The following MATR3 variants were observed in gnomAD, a reference collection of about 807,000 sequenced individuals.
The protein encoded by MATR3 is matrin 3.
In MATR3, 4 loss-of-function variants were observed where a neutral mutation model predicts 85.5. The ratio of observed to expected loss-of-function variants is 0.05; its 90% CI spans 0.02 to 0.11. The LOEUF is 0.11. Among genes scored for constraint, MATR3 ranks in the 10% least tolerant of loss-of-function variants. The pLI is 1.00. For missense variants in MATR3, 685 were observed against 1,016.1 expected (o/e 0.67, Z 4.43); for synonymous variants, 336 against 343.1 (o/e 0.98, Z 0.23).
rs562328368 is a variant in MATR3 at position 139,288,331 on chromosome 5, CAAT to C, written c.-178+9205_-178+9207del. Among the ~76,000 whole-genome samples, 428 of 152,314 alleles carry C rather than the reference CAAT, an allele frequency of 2.8e-3. 16 individuals are homozygous for C. The highest frequency in any genetic ancestry group is 0.023 in the Admixed American group (359 of 15,310). ...TCTCCCACATCATCACTAAGTTCCT[CAAT>C]AAATAATTACTTCGTTGAAAAAGTT... On this transcript the variant is annotated intron_variant, in intron 3 of 16. Coordinates refer to ENST00000509990, the Ensembl canonical transcript of MATR3.
At chr5:139,315,148 A>ATTTT in intron 3 of MATR3, 1 of 172,198 alleles carries the variant, frequency 5.8e-6, no homozygotes, top group Non-Finnish European at 1.2e-5. Flanking sequence ...TTGGTGATGA[A>ATTTT]TTTTTTTTTT....
At position 139,321,776 on chromosome 5, in the gene MATR3, C is replaced by G. The variant is rs1338844025; in HGVS notation, c.1603-122C>G. On this transcript the variant is annotated intron_variant, in intron 9 of 14. Transcript: ENST00000394805. The stretch of plus-strand genomic sequence containing the variant: ...CCAGCCTGGGTGACACAGTGAGACC[C>G]TGTCTCAAAAAAGAAAAAAAGTAAT... 6 of 937,302 alleles carry G rather than the reference C, an allele frequency of 6.4e-6. No homozygotes were observed. The South Asian group carries it at 9.4e-5, about 15-fold the overall frequency. The allele number at this position is 937,302 out of a possible 1,614,324, so 58.1% of individuals were successfully genotyped here.
chr5:139,325,364 ACTT>A, intron 12 of MATR3, 73 bp from the exon 13 acceptor site: 1 of 1,588,556 alleles, frequency 6.3e-7, no homozygotes, highest in Non-Finnish European at 8.6e-7. Context: ...AAGATTCGGA[ACTT>A]CAGAAACTTC....
intron 3 of MATR3, among the ~76,000 whole-genome samples, chr5:139,287,541 C>T (rs1753743349): frequency 1.3e-5 from 2 of 152,160 alleles, no homozygotes; most frequent in Admixed American, 1.3e-4. Context: ...ATCGCCTGAA[C>T]CCGGTGGGCG....
Position 139,317,543 on chromosome 5 carries a change from T to A in MATR3, c.1183-53T>A, listed in dbSNP as rs1454249104. The A allele has an allele frequency of 5.0e-6, 8 of 1,590,888 alleles. No individual in the cohort carries two copies. The African/African-American group carries it at 9.4e-5, about 19-fold the overall frequency. On this transcript the variant is annotated intron_variant, in intron 6 of 14. Transcript: ENST00000394805. ...AAAAAGTCCTAATGCGTAATTGGTTTCATATTGCTTTAAAGAGACTTAATT... is the reference window on the plus strand; with the variant it reads ...AAAAAGTCCTAATGCGTAATTGGTTACATATTGCTTTAAAGAGACTTAATT...
At chr5:139,316,587 A>G (rs1338549942) in intron 5 of MATR3, among the ~76,000 whole-genome samples, 1 of 151,150 alleles carries the variant, frequency 6.6e-6, no homozygotes, top group Non-Finnish European at 1.5e-5. Context: ...TCACTCCGTC[A>G]CTCAGGCTAG....
rs767544331 is a variant in MATR3, at chr5:139,317,042, T to C, written c.1130-11T>C. ...TGATTACAAGACTGAAAACTTTCTC[T>C]TCCCATAAAGGTGCTGGAAATGGAA... On this transcript the variant is annotated splice_polypyrimidine_tract_variant and intron_variant, in intron 5 of 14. Transcript: ENST00000394805. 4 of 1,603,198 alleles carry C rather than the reference T, an allele frequency of 2.5e-6. No individual in the cohort carries two copies. In the Admixed American group the frequency reaches 6.7e-5, roughly 27 times the overall value.
chr5:139,308,359 T>G (rs1473953568), intron 2 of MATR3, 32 bp downstream of exon 2: 1 of 1,612,836 alleles, frequency 6.2e-7, no homozygotes, highest in Non-Finnish European at 8.5e-7. Context: ...TTCTAATTTC[T>G]TTTACATTGT....
intron 1 of MATR3, among the ~76,000 whole-genome samples, chr5:139,302,300 T>C (rs1754487490): frequency 6.6e-6 from 1 of 152,090 alleles, no homozygotes; most frequent in Non-Finnish European, 1.5e-5. Flanking sequence ...GTACATGCCA[T>C]ACTGAGATGA....
chr5:139,303,052 T>G (rs915072531), intron 1 of MATR3, among the ~76,000 whole-genome samples: 4 of 152,230 alleles, frequency 2.6e-5, no homozygotes, highest in Middle Eastern at 3.4e-3. Flanking sequence ...TTAGTTGTTT[T>G]TTTTTTTTTT....
intron 1 of MATR3, among the ~76,000 whole-genome samples, chr5:139,302,098 A>G (rs1349768363): frequency 6.6e-6 from 1 of 152,126 alleles, no homozygotes; most frequent in African/African-American, 2.4e-5. Context: ...CTATTGTATG[A>G]TGACACATGC....
At chr5:139,306,487 C>T (rs1267168146) in intron 1 of MATR3, among the ~76,000 whole-genome samples, 1 of 152,000 alleles carries the variant, frequency 6.6e-6, no homozygotes, top group Non-Finnish European at 1.5e-5. Context: ...TAGGTTTTTT[C>T]TTGGGAGGGC....
intron 1 of MATR3, chr5:139,274,307 T>C (rs1487278689): frequency 5.7e-6 from 2 of 350,740 alleles, no homozygotes; most frequent in South Asian, 2.2e-5. Context: ...TGAAAGAGAC[T>C]TGGGCCTCGG....
In MATR3 at chr5:139,293,793, C is replaced by T. The variant is rs903536238; in HGVS notation, c.-190C>T. 7 of 399,518 alleles carry T rather than the reference C, an allele frequency of 1.8e-5. No homozygotes were observed. The highest frequency in any genetic ancestry group is 1.4e-4 in the African/African-American group (7 of 48,596). 24.7% of individuals were successfully genotyped at this position (399,518 alleles called of 1,614,324 possible). ...GAGAGGTACCTCTCCTTTTCCCTCT[C>T]CCTTTCCCTAAGGTAGGCGTGAAGC... On this transcript the variant is annotated 5_prime_UTR_variant, in exon 1 of 15. Coordinates refer to ENST00000394805, the MANE Select transcript of MATR3 (RefSeq NM_018834.6).
At position 139,295,723 on chromosome 5, in the gene MATR3, A is replaced by G. The variant is rs752264823; in HGVS notation, c.-178+1918A>G. ...TATTTTAGGAGCATCACGTAGTTCA[A>G]ATCCCTAATTTTATAGAAGAGAAGG... is the stretch of plus-strand genomic sequence containing the variant. On this transcript the variant is annotated intron_variant, in intron 1 of 14. Transcript: ENST00000394805. Among the ~76,000 whole-genome samples the G allele has an allele frequency of 3.3e-5, 5 of 152,310 alleles. No homozygotes were observed. The South Asian group carries it at 6.2e-4, about 19-fold the overall frequency.
chr5:139,278,452 C>T (rs1314625758), intron 2 of MATR3: 1 of 436,868 alleles, frequency 2.3e-6, no homozygotes, highest in South Asian at 1.6e-5. Context: ...CTCCTCTGTG[C>T]CAGGCCTGTG....
chr5:139,327,904 C>T (rs368444496), intron 14 of MATR3, among the ~76,000 whole-genome samples: 12 of 151,594 alleles, frequency 7.9e-5, no homozygotes, highest in African/African-American at 2.9e-4. Flanking sequence ...TCTTGTTCCC[C>T]AAGCTGGAGT....
chr5:139,287,579 A>G (rs1044270639), intron 3 of MATR3, among the ~76,000 whole-genome samples: 4 of 152,156 alleles, frequency 2.6e-5, no homozygotes, highest in South Asian at 2.1e-4. Flanking sequence ...AGATTGCGCC[A>G]TTGCACACTA....
intron 9 of MATR3, among the ~76,000 whole-genome samples, chr5:139,319,977 A>C (rs1433960565): frequency 6.9e-6 from 1 of 145,300 alleles, no homozygotes; most frequent in Non-Finnish European, 1.5e-5. Flanking sequence ...CAGGGTCTCA[A>C]AAATTAATAT....
Sources: allele counts gnomAD v4.1 joint callset (sites outside exome capture counted in the v4.1 genomes callset), GRCh38; gene constraint gnomAD v4.1.1; transcripts MANE v1.5; gene names NCBI Gene and HGNC (gene_info 2026-07-23, HGNC 2026-07-21).